CBLN2: variants seen among roughly 807,000 people sequenced by gnomAD.
CBLN2 encodes the protein cerebellin-2.
In CBLN2, 7 loss-of-function variants were observed where a neutral mutation model predicts 15.0. The observed-to-expected ratio is 0.47, with a 90% CI of 0.27 to 0.88. The LOEUF (loss-of-function observed/expected upper bound fraction) is 0.88. Ranked by LOEUF, CBLN2 falls within the 40% of genes least tolerant of loss-of-function variation. The pLI is 0.14. For synonymous variants in CBLN2, 149 were observed against 135.2 expected (o/e 1.10, Z -0.71); for missense variants, 242 against 304.5 (o/e 0.79, Z 1.53).
rs530647255 is a variant in CBLN2 at position 72,620,712 on chromosome 18, C to T, written c.15+17613G>A. On this transcript the variant is annotated intron_variant, in intron 1 of 2. Transcript: ENST00000581073. Reference sequence around the variant, plus strand: ...CAGGGTTTTGCCAGGGACCTACCCTCGTCTGCCTAGAATTTCTTGCCTCCT... The same window carrying T: ...CAGGGTTTTGCCAGGGACCTACCCTTGTCTGCCTAGAATTTCTTGCCTCCT... 46 of 152,276 alleles carry T rather than the reference C, an allele frequency of 3.0e-4. 1 individual carries two copies. The highest frequency in any genetic ancestry group is 7.5e-4 in the African/African-American group (31 of 41,550). 9.4% of individuals were successfully genotyped at this position (152,276 alleles called of 1,614,324 possible).
chr18:72,564,905 AG>A (rs896017220), intron 1 of CBLN2, among the ~76,000 whole-genome samples: 4 of 152,232 alleles, frequency 2.6e-5, no homozygotes, highest in Non-Finnish European at 5.9e-5. Context: ...AAGCAGCAAA[AG>A]AAAAACACTA....
At chr18:72,563,831 AAACCCAGC>A (rs1169942245) in intron 1 of CBLN2, among the ~76,000 whole-genome samples, 1 of 152,142 alleles carries the variant, frequency 6.6e-6, no homozygotes, top group Non-Finnish European at 1.5e-5. Context: ...ACATCCATAC[AAACCCAGC>A]AACTCACTCC....
intron 1 of CBLN2, among the ~76,000 whole-genome samples, chr18:72,627,565 C>A (rs1011424298): frequency 1.1e-4 from 17 of 152,178 alleles, no homozygotes; most frequent in African/African-American, 3.9e-4. Context: ...TTGTGCTTCA[C>A]CAAATCCCAG....
chr18:72,554,827 T>G (rs2069214440), intron 1 of CBLN2, among the ~76,000 whole-genome samples: 1 of 152,014 alleles, frequency 6.6e-6, no homozygotes, highest in African/African-American at 2.4e-5. Context: ...CCCTTGCTGA[T>G]ATTGATTAAA....
In CBLN2 at chr18:72,626,332, A is replaced by T. The variant is rs374816999; in HGVS notation, c.15+11993T>A. Among the ~76,000 whole-genome samples, 5 of 152,184 alleles carry T rather than the reference A, an allele frequency of 3.3e-5. No individual in the cohort carries two copies. In the East Asian group the frequency reaches 7.7e-4, roughly 24 times the overall value. ...TCTTTACAATATTGGTATTAGTAGA[A>T]TTTCAAATAAGAGACAGGTTAGTTT... On this transcript the variant is annotated intron_variant, in intron 1 of 2. Transcript: ENST00000581073.
At chr18:72,579,048 C>T (rs1038529068) in intron 1 of CBLN2, among the ~76,000 whole-genome samples, 3 of 152,162 alleles carry the variant, frequency 2.0e-5, no homozygotes, top group Admixed American at 6.5e-5. Context: ...AAATGATGCT[C>T]AATATCTAAT....
intron 1 of CBLN2, among the ~76,000 whole-genome samples, chr18:72,585,092 T>A (rs937032809): frequency 2.6e-5 from 4 of 152,098 alleles, no homozygotes; most frequent in Admixed American, 2.0e-4. Flanking sequence ...CCCAGAAGCT[T>A]GGAGACAACA....
chr18:72,638,135 C>G (rs941388770), intron 1 of CBLN2, among the ~76,000 whole-genome samples: 24 of 152,212 alleles, frequency 1.6e-4, no homozygotes, highest in African/African-American at 5.8e-4. Flanking sequence ...GTTTGCAAAA[C>G]AGCCTGTGGC....
At chr18:72,562,131 T>C (rs1202185401) in intron 1 of CBLN2, among the ~76,000 whole-genome samples, 1 of 152,158 alleles carries the variant, frequency 6.6e-6, no homozygotes, top group Non-Finnish European at 1.5e-5. Context: ...TTACAACAGA[T>C]GACAGCTATT....
intron 1 of CBLN2, chr18:72,625,128 T>A (rs1252042802): frequency 1.3e-5 from 2 of 152,178 alleles, no homozygotes; most frequent in Non-Finnish European, 2.9e-5. Flanking sequence ...TTGGGAAGCA[T>A]ATTTTCTAAC....
chr18:72,579,493 G>T (rs544888257), intron 1 of CBLN2, among the ~76,000 whole-genome samples: 5 of 152,214 alleles, frequency 3.3e-5, no homozygotes, highest in South Asian at 2.1e-4. Context: ...AGCACTTTGG[G>T]AGGCCGAGGT....
upstream of CBLN2, among the ~76,000 whole-genome samples, chr18:72,545,805 G>A (rs2069153789): frequency 6.6e-6 from 1 of 152,122 alleles, no homozygotes; most frequent in Non-Finnish European, 1.5e-5. Context: ...TCCTTAAATA[G>A]CAACTCTACT....
At chr18:72,544,399 A>G (rs1231620906), upstream of CBLN2, 3 of 152,148 alleles carry the variant, frequency 2.0e-5, no homozygotes, top group Non-Finnish European at 4.4e-5. Flanking sequence ...GCGCTCGCTC[A>G]AAGGACCCGG....
intron 1 of CBLN2, among the ~76,000 whole-genome samples, chr18:72,568,543 A>G (rs2069311183): frequency 6.6e-6 from 1 of 152,148 alleles, no homozygotes; most frequent in South Asian, 2.1e-4. Context: ...ATTATTAAAA[A>G]TTAAATTACA....
chr18:72,577,032 T>A (rs975874105), intron 1 of CBLN2, among the ~76,000 whole-genome samples: 2 of 145,376 alleles, frequency 1.4e-5, no homozygotes, highest in Non-Finnish European at 3.0e-5. Context: ...ATATATATAA[T>A]GTATAAATTA....
At chr18:72,540,472 A>G (rs975773909) in intron 3 of CBLN2, among the ~76,000 whole-genome samples, 7 of 152,316 alleles carry the variant, frequency 4.6e-5, no homozygotes, top group African/African-American at 1.7e-4. Flanking sequence ...GCAAAGGTGG[A>G]TATAAAAATG....
intron 1 of CBLN2, among the ~76,000 whole-genome samples, chr18:72,563,095 G>T (rs893487171): frequency 1.3e-5 from 2 of 152,108 alleles, no homozygotes; most frequent in Admixed American, 6.5e-5. Context: ...ATACATACGC[G>T]ATGCTCTCTC....
At chr18:72,635,354 T>C (rs4892020) in intron 1 of CBLN2, among the ~76,000 whole-genome samples, 30,891 of 151,948 alleles carry the variant, frequency 0.2, 3,720 homozygotes, top group East Asian at 0.51. Context: ...ACACAAAAAT[T>C]TGTTTTTATT....
At chr18:72,556,797 T>C (rs1483450948) in intron 1 of CBLN2, among the ~76,000 whole-genome samples, 2 of 151,948 alleles carry the variant, frequency 1.3e-5, no homozygotes, top group Non-Finnish European at 1.5e-5. Context: ...CGTATTATGA[T>C]GCCCAGGAGT....
Sources: gnomAD v4.1 joint callset for allele counts (sites outside exome capture counted in the v4.1 genomes callset) on GRCh38, gnomAD v4.1.1 for gene constraint, MANE v1.5 for transcripts, NCBI Gene and HGNC (gene_info 2026-07-23, HGNC 2026-07-21) for gene names.